PXDNL: variants seen among roughly 807,000 people sequenced by gnomAD.
PXDNL encodes probable oxidoreductase PXDNL.
Under a neutral mutation model 150.8 loss-of-function variants are expected in PXDNL, and 145 were observed. The observed-to-expected ratio is 0.96, with a 90% CI of 0.84 to 1.10. The LOEUF is 1.10. Among genes scored for constraint, PXDNL ranks in the 50% least tolerant of loss-of-function variants. The probability of loss-of-function intolerance (pLI) is 0.00; values close to 1 mark genes in which losing one functional copy is unlikely to be tolerated. For synonymous variants in PXDNL, 757 were observed against 725.7 expected (o/e 1.04, Z -0.69); for missense variants, 2,087 against 1,873.9 (o/e 1.11, Z -2.10).
chr8:51,391,635 T>C (rs187638637), intron 17 of PXDNL, among the ~76,000 whole-genome samples: 68 of 152,362 alleles, frequency 4.5e-4, no homozygotes, highest in Middle Eastern at 3.4e-3. Flanking sequence ...ATTCTGGATA[T>C]TGGCCCTCTG....
At chr8:51,580,998 T>G (rs764247818) in intron 3 of PXDNL, among the ~76,000 whole-genome samples, 13 of 152,144 alleles carry the variant, frequency 8.5e-5, no homozygotes, top group Non-Finnish European at 1.6e-4. Flanking sequence ...CTGAAAAGGA[T>G]TCTCTCACTA....
At chr8:51,601,429 T>C (rs1472380110) in intron 2 of PXDNL, among the ~76,000 whole-genome samples, 1 of 152,236 alleles carries the variant, frequency 6.6e-6, no homozygotes, top group East Asian at 1.9e-4. Flanking sequence ...ATATTTAGGA[T>C]AGTTAAGTCT....
chr8:51,774,579 G>A (rs1463702537), intron 1 of PXDNL, among the ~76,000 whole-genome samples: 2 of 152,162 alleles, frequency 1.3e-5, no homozygotes, highest in African/African-American at 4.8e-5. Context: ...AGCACTTTGG[G>A]AGGCTGAGGC....
Position 51,339,612 on chromosome 8 carries a change from G to C in PXDNL, c.4146+12C>G. 1 of 1,610,514 alleles carries C rather than the reference G, an allele frequency of 6.2e-7. No homozygotes were observed. Among genetic ancestry groups the C allele is most frequent in the Non-Finnish European group, 8.5e-7 (1 of 1,178,780 alleles). On this transcript the variant is annotated intron_variant, in intron 21 of 22. Transcript: ENST00000356297. ...ATACAATAAGGACATGTTATTTGAA[G>C]AGAAAACAAACCTGCTCTCTGAGTG...
chr8:51,664,205 C>T (rs1362016014), intron 1 of PXDNL, among the ~76,000 whole-genome samples: 1 of 152,118 alleles, frequency 6.6e-6, no homozygotes, highest in Non-Finnish European at 1.5e-5. Context: ...CAAAGTCTAA[C>T]TCGGAGGTCA....
At chr8:51,495,568 A>C (rs1390002838) in intron 5 of PXDNL, among the ~76,000 whole-genome samples, 1 of 152,220 alleles carries the variant, frequency 6.6e-6, no homozygotes, top group Non-Finnish European at 1.5e-5. Context: ...GAAGAATCAA[A>C]TAGATGCAAT....
intron 1 of PXDNL, among the ~76,000 whole-genome samples, chr8:51,704,979 C>T (rs1226855165): frequency 1.3e-5 from 2 of 152,172 alleles, no homozygotes; most frequent in Admixed American, 1.3e-4. Context: ...GATACTGGAG[C>T]CATTCAAGTA....
chr8:51,416,423 T>C (rs577427852), intron 14 of PXDNL, among the ~76,000 whole-genome samples: 14 of 152,350 alleles, frequency 9.2e-5, no homozygotes, highest in African/African-American at 3.4e-4. Flanking sequence ...GCTGTTATAG[T>C]TGTATAAGAT....
At chr8:51,467,882 C>G (rs903855508) in intron 8 of PXDNL, among the ~76,000 whole-genome samples, 1 of 152,034 alleles carries the variant, frequency 6.6e-6, no homozygotes, top group Non-Finnish European at 1.5e-5. Context: ...GCAGGTTTCT[C>G]TCATCTTTGA....
chr8:51,397,769 T>C (rs1808128825), intron 17 of PXDNL, among the ~76,000 whole-genome samples: 1 of 152,060 alleles, frequency 6.6e-6, no homozygotes, highest in South Asian at 2.1e-4. Context: ...TTTTTTATTA[T>C]TATACTTTAA....
At chr8:51,726,449 T>TA (rs1310405634) in intron 1 of PXDNL, among the ~76,000 whole-genome samples, 1 of 152,220 alleles carries the variant, frequency 6.6e-6, no homozygotes, top group Non-Finnish European at 1.5e-5. Flanking sequence ...CTCCCTGTCT[T>TA]ACGTCTCTTT....
At chr8:51,624,465 C>T (rs1253159274) in intron 2 of PXDNL, among the ~76,000 whole-genome samples, 4 of 152,050 alleles carry the variant, frequency 2.6e-5, no homozygotes, top group African/African-American at 9.7e-5. Context: ...ATTCTTACTG[C>T]AGTCATTTTA....
chr8:51,700,742 TTATACA>T (rs1177142544), intron 1 of PXDNL, among the ~76,000 whole-genome samples: 1 of 149,690 alleles, frequency 6.7e-6, no homozygotes, highest in Non-Finnish European at 1.5e-5. Context: ...ACACATACAC[TTATACA>T]TACTCATACG....
chr8:51,375,759 T>C (rs949496237), intron 17 of PXDNL, among the ~76,000 whole-genome samples: 1 of 152,172 alleles, frequency 6.6e-6, no homozygotes, highest in African/African-American at 2.4e-5. Context: ...TGCACAAGAG[T>C]TTCTCTAGAC....
chr8:51,621,569 G>C (rs1437718674), intron 2 of PXDNL, among the ~76,000 whole-genome samples: 1 of 151,710 alleles, frequency 6.6e-6, no homozygotes, highest in Non-Finnish European at 1.5e-5. Flanking sequence ...CCAGACCCCA[G>C]GATCTATTCC....
rs78130102 is a variant in PXDNL at position 51,723,820 on chromosome 8, A to C, written c.165-69060T>G. Among the ~76,000 whole-genome samples, 887 of 152,138 alleles carry C rather than the reference A, an allele frequency of 5.8e-3. 12 individuals are homozygous for C. Among genetic ancestry groups the C allele is most frequent in the African/African-American group, 0.02 (844 of 41,480 alleles). On this transcript the variant is annotated intron_variant, in intron 1 of 22. Coordinates refer to ENST00000356297, the MANE Select transcript of PXDNL (RefSeq NM_144651.5). ...GCGCGGTCAGGCTTGCCTTTATAGA[A>C]AGTTTACTTTTGTTGACAATGAGAG...
At chr8:51,533,523 A>AG (rs1457025673) in intron 4 of PXDNL, among the ~76,000 whole-genome samples, 5,763 of 53,328 alleles carry the variant, frequency 0.11, 415 homozygotes, top group African/African-American at 0.28. Context: ...CTCTCCCTCC[A>AG]CGGTCTCCCT....
chr8:51,780,158 G>A (rs764191429), intron 1 of PXDNL, among the ~76,000 whole-genome samples: 1 of 152,064 alleles, frequency 6.6e-6, no homozygotes, highest in African/African-American at 2.4e-5. Flanking sequence ...GTTGCAGTGA[G>A]CCAGGATCAC....
chr8:51,350,867 G>A (rs1321068630), intron 19 of PXDNL, among the ~76,000 whole-genome samples: 1 of 152,068 alleles, frequency 6.6e-6, no homozygotes, highest in Non-Finnish European at 1.5e-5. Flanking sequence ...ATTCCACCGA[G>A]AACTTTTACC....
Sources: allele counts gnomAD v4.1 joint callset (sites outside exome capture counted in the v4.1 genomes callset), GRCh38; gene constraint gnomAD v4.1.1; transcripts MANE v1.5; gene names NCBI Gene and HGNC (gene_info 2026-07-23, HGNC 2026-07-21).